ITPR1: variants seen among roughly 807,000 people sequenced by gnomAD.
The protein encoded by ITPR1 is inositol 1,4,5-trisphosphate-gated calcium channel ITPR1.
ITPR1 carries 96 observed loss-of-function variants against 318.4 expected under a neutral mutation model. That is an observed-to-expected ratio of 0.30 (90% CI 0.26 to 0.36). The LOEUF is 0.36. Ranked by LOEUF, ITPR1 falls within the 10% of genes least tolerant of loss-of-function variation. The probability of loss-of-function intolerance (pLI) is 1.00; values close to 1 mark genes in which losing one functional copy is unlikely to be tolerated. For synonymous variants in ITPR1, 1,312 were observed against 1,289.9 expected, an observed-to-expected ratio of 1.02 and a Z score of -0.37; for missense variants, 2,440 against 3,460.2, an observed-to-expected ratio of 0.71 and a Z score of 7.40.
intron 53 of ITPR1, among the ~76,000 whole-genome samples, chr3:4,798,941 G>C (rs1320923748): frequency 6.6e-6 from 1 of 152,202 alleles, no homozygotes; most frequent in East Asian, 1.9e-4. Flanking sequence ...GATGGGGCAA[G>C]GCATCACCTG....
rs1456272040 is a variant in ITPR1, at chr3:4,627,784, C to T, written c.185C>T (p.Pro62Leu). 6.2e-7 allele frequency: 1 copy of T among 1,613,254 alleles called. No individual in the cohort carries two copies. ...CTAGACTGCCTCTTTAAGCTATGTC[C>T]CATGAACCGCTACTCTGCCCAAAAG... Reference protein sequence around the residue: ...KFRDCLFKLCPMNRYSAQKQF... With the variant: ...KFRDCLFKLCLMNRYSAQKQF... The change falls in exon 5 of 62, where the codon CCC (proline) becomes CTC (leucine). Residue 62 changes from proline to leucine, a missense_variant. Pro to Leu is a moderately conservative substitution (Grantham distance 98, BLOSUM62 -3). Transcript: ENST00000649015.
intron 50 of ITPR1, 112 bp downstream of exon 50, chr3:4,782,853 T>A (rs1343095874): frequency 9.0e-6 from 9 of 1,001,084 alleles, no homozygotes; most frequent in Non-Finnish European, 1.1e-5. Flanking sequence ...CCTAGGACTG[T>A]CTGTACTCAT....
chr3:4,669,318 C>T (rs2094020984), intron 18 of ITPR1, among the ~76,000 whole-genome samples: 1 of 152,234 alleles, frequency 6.6e-6, no homozygotes, highest in South Asian at 2.1e-4. Flanking sequence ...CGTAGCCAAA[C>T]ATCAGGGCGT....
At chr3:4,614,111 A>G (rs2092286460) in intron 4 of ITPR1, among the ~76,000 whole-genome samples, 2 of 152,192 alleles carry the variant, frequency 1.3e-5, no homozygotes, top group East Asian at 3.9e-4. Flanking sequence ...CTGTGATACA[A>G]AAAAATTAGC....
chr3:4,536,327 T>C (rs763181322), intron 4 of ITPR1, among the ~76,000 whole-genome samples: 2 of 152,250 alleles, frequency 1.3e-5, no homozygotes, highest in Non-Finnish European at 2.9e-5. Flanking sequence ...TCTAATAGAA[T>C]TGGAAGGGTG....
intron 4 of ITPR1, among the ~76,000 whole-genome samples, chr3:4,538,866 G>A (rs1250806890): frequency 6.6e-6 from 1 of 152,064 alleles, no homozygotes; most frequent in Non-Finnish European, 1.5e-5. Context: ...ACACACACTG[G>A]GGCCTTTTAG....
In ITPR1 at chr3:4,782,708, C is replaced by T. The variant is rs1239283326; in HGVS notation, c.6477C>T (p.Asn2159=). 79 of 1,590,604 alleles carry T rather than the reference C, an allele frequency of 5.0e-5. No individual in the cohort carries two copies. Among genetic ancestry groups the T allele is most frequent in the Non-Finnish European group, 6.6e-5 (77 of 1,167,860 alleles). The change falls in exon 50 of 62, where the codon AAC becomes AAT. Residue 2159 remains asparagine, a synonymous_variant. Coordinates refer to ENST00000649015, the MANE Select transcript of ITPR1 (RefSeq NM_001378452.1). ...AGGATGGGGCGGCGTCCCCCAGGAA[C>T]GTGGGGCACAACATCTACATATTAG... ...NGEDGAASPR[N]VGHNIYILAH... is the part of the protein sequence containing the mutation.
At chr3:4,626,270 G>A (rs2092825287) in intron 4 of ITPR1, among the ~76,000 whole-genome samples, 1 of 152,074 alleles carries the variant, frequency 6.6e-6, no homozygotes, top group African/African-American at 2.4e-5. Context: ...TATAAAACAA[G>A]TGGAAAGTAG....
intron 7 of ITPR1, among the ~76,000 whole-genome samples, chr3:4,643,367 T>C (rs1016582123): frequency 6.6e-5 from 10 of 152,242 alleles, no homozygotes; most frequent in African/African-American, 2.4e-4. Context: ...GAATTTCATT[T>C]TCAGCACATC....
At chr3:4,592,210 T>C (rs1474625937) in intron 4 of ITPR1, among the ~76,000 whole-genome samples, 1 of 152,226 alleles carries the variant, frequency 6.6e-6, no homozygotes, top group Non-Finnish European at 1.5e-5. Context: ...GTAAGTTGCT[T>C]GAGCAGTAGT....
intron 4 of ITPR1, among the ~76,000 whole-genome samples, chr3:4,525,159 G>A (rs2082879444): frequency 6.6e-6 from 1 of 152,064 alleles, no homozygotes; most frequent in Non-Finnish European, 1.5e-5. Context: ...GAGCCCCAGT[G>A]CTCGTGTATG....
intron 4 of ITPR1, among the ~76,000 whole-genome samples, chr3:4,532,349 C>T (rs888276133): frequency 6.6e-6 from 1 of 152,126 alleles, no homozygotes; most frequent in African/African-American, 2.4e-5. Context: ...TGAGATTCTA[C>T]ATTTCTTTTT....
intron 42 of ITPR1, among the ~76,000 whole-genome samples, chr3:4,731,695 T>G (rs1348467614): frequency 6.6e-6 from 1 of 152,210 alleles, no homozygotes; most frequent in Admixed American, 6.5e-5. Flanking sequence ...TTTTGATGAT[T>G]GACAGGAGCC....
chr3:4,546,802 T>C (rs2085060372), intron 4 of ITPR1, among the ~76,000 whole-genome samples: 2 of 150,180 alleles, frequency 1.3e-5, no homozygotes, highest in African/African-American at 2.5e-5. Context: ...CATCTTGTGC[T>C]GCATTCTGAT....
intron 49 of ITPR1, among the ~76,000 whole-genome samples, chr3:4,780,776 G>C (rs1178186490): frequency 6.6e-6 from 1 of 152,168 alleles, no homozygotes; most frequent in Non-Finnish European, 1.5e-5. Context: ...GGATCACTGG[G>C]GAGGCGAGGT....
intron 60 of ITPR1, among the ~76,000 whole-genome samples, chr3:4,828,421 G>C (rs1376773159): frequency 6.6e-6 from 1 of 152,174 alleles, no homozygotes; most frequent in Non-Finnish European, 1.5e-5. Context: ...AGAAGGGTGA[G>C]TGAGCCTGAT....
At chr3:4,532,483 G>GCCT (rs2083499333) in intron 4 of ITPR1, among the ~76,000 whole-genome samples, 1 of 152,116 alleles carries the variant, frequency 6.6e-6, no homozygotes, top group African/African-American at 2.4e-5. Flanking sequence ...TCCCCCCTCA[G>GCCT]CCTCCTAATC....
chr3:4,679,648 G>T (rs1349152818), intron 24 of ITPR1, among the ~76,000 whole-genome samples: 1 of 152,166 alleles, frequency 6.6e-6, no homozygotes, highest in East Asian at 1.9e-4. Flanking sequence ...AGTCCATTCT[G>T]GAAACCCCCT....
At chr3:4,625,217 ATCT>A (rs1231783234) in intron 4 of ITPR1, among the ~76,000 whole-genome samples, 1 of 149,504 alleles carries the variant, frequency 6.7e-6, no homozygotes, top group Non-Finnish European at 1.5e-5. Flanking sequence ...CAATTAAGTG[ATCT>A]TTTTTTTTTT....
Sources: gnomAD v4.1 joint callset for allele counts (sites outside exome capture counted in the v4.1 genomes callset) on GRCh38, gnomAD v4.1.1 for gene constraint, MANE v1.5 for transcripts, NCBI Gene and HGNC (gene_info 2026-07-23, HGNC 2026-07-21) for gene names.